Variants in GAD1 observed in about 807,000 individuals in gnomAD.
GAD1 encodes glutamate decarboxylase 1.
A neutral mutation model predicts 75.2 loss-of-function variants in GAD1; 35 were observed. That is an observed-to-expected ratio of 0.47 (90% CI 0.36 to 0.62). The LOEUF is 0.62. GAD1 is among the 20% of genes least tolerant of loss of function. The pLI is 0.00. For missense variants in GAD1, 490 were observed against 758.5 expected (o/e 0.65, Z 4.16); for synonymous variants, 257 against 271.9 (o/e 0.95, Z 0.54).
chr2:170,845,822 A>G, intron 9 of GAD1, 37 bp downstream of exon 9: 1 of 1,587,366 alleles, frequency 6.3e-7, no homozygotes, highest in Non-Finnish European at 8.7e-7. Context: ...TTCTTGATGT[A>G]TTAAATGTGT....
In GAD1 at chr2:170,836,898, T is replaced by C. The variant is rs1369574801; in HGVS notation, c.638+15T>C. The C allele has an allele frequency of 7.6e-6, 12 of 1,581,096 alleles. No individual in the cohort carries two copies. Among genetic ancestry groups the C allele is most frequent in the Non-Finnish European group, 1.0e-5 (12 of 1,150,316 alleles). ...AATACCAACATGTAAGTCTCATATG[T>C]TTTCATATAAGCAACCCTGATGTAT... is the stretch of plus-strand genomic sequence containing the variant. On this transcript the variant is annotated intron_variant, in intron 6 of 16. Coordinates refer to ENST00000358196, the MANE Select transcript of GAD1 (RefSeq NM_000817.3).
chr2:170,856,824 A>G (rs1226349845), intron 14 of GAD1, among the ~76,000 whole-genome samples, 194 bp from the exon 15 acceptor site: 2 of 152,214 alleles, frequency 1.3e-5, no homozygotes, highest in Non-Finnish European at 2.9e-5. Context: ...TGCCTTTGAA[A>G]GAGGAAGCAG....
chr2:170,821,496 G>A (rs980856193), intron 2 of GAD1, among the ~76,000 whole-genome samples: 1 of 152,122 alleles, frequency 6.6e-6, no homozygotes, highest in African/African-American at 2.4e-5. Flanking sequence ...CCCACTCCCC[G>A]GTCTGACTGA....
chr2:170,845,652 G>C, intron 8 of GAD1, 31 bp downstream of exon 8: 1 of 1,612,376 alleles, frequency 6.2e-7, no homozygotes, highest in Non-Finnish European at 8.5e-7. Context: ...CATGGATAGT[G>C]GTGTTTTTTA....
chr2:170,822,070 CCT>C lies in GAD1; in HGVS notation c.83-9_83-8del, dbSNP rs750343989. The C allele has an allele frequency of 1.4e-5, 23 of 1,601,102 alleles. No homozygotes were observed. In the South Asian group the frequency reaches 1.5e-4, roughly 10 times the overall value. The stretch of plus-strand genomic sequence containing the variant: ...GAACCTCCCTAACCGAACCTCTCTC[CCT>C]CTCTCTCGTCCTAGCGTACGATACC... On this transcript the variant is annotated splice_polypyrimidine_tract_variant and intron_variant, in intron 2 of 16. Coordinates refer to ENST00000358196, the MANE Select transcript of GAD1 (RefSeq NM_000817.3).
chr2:170,816,090 C>G (rs183041362), upstream of GAD1: 132 of 152,380 alleles, frequency 8.7e-4, no homozygotes, highest in African/African-American at 3.0e-3. Flanking sequence ...TGCTCGGGTG[C>G]CCCATGCGCG....
intron 5 of GAD1, among the ~76,000 whole-genome samples, chr2:170,832,039 T>G (rs1418633663): frequency 6.6e-6 from 1 of 152,128 alleles, no homozygotes; most frequent in African/African-American, 2.4e-5. Flanking sequence ...ATCCTCTGCT[T>G]CTTTTCTTGC....
At chr2:170,857,778 C>T (rs1702882507) in intron 15 of GAD1, among the ~76,000 whole-genome samples, 1 of 152,188 alleles carries the variant, frequency 6.6e-6, no homozygotes, top group Non-Finnish European at 1.5e-5. Flanking sequence ...GCATACTGCA[C>T]ACAGCAAAGT....
intron 3 of GAD1, among the ~76,000 whole-genome samples, chr2:170,822,713 T>A (rs919804416): frequency 4.6e-5 from 7 of 152,248 alleles, no homozygotes; most frequent in African/African-American, 7.2e-5. Flanking sequence ...TGCCCTGAGA[T>A]GTCATAACGG....
At chr2:170,817,359 G>T (rs184417330) in intron 1 of GAD1, 10 of 152,322 alleles carry the variant, frequency 6.6e-5, no homozygotes, top group Admixed American at 3.9e-4. Context: ...CATGCTGCGA[G>T]CGCCTGTCCC....
intron 12 of GAD1, among the ~76,000 whole-genome samples, chr2:170,852,175 A>C (rs529995983): frequency 1.3e-5 from 2 of 152,314 alleles, no homozygotes; most frequent in African/African-American, 4.8e-5. Context: ...TTGGCATGTT[A>C]GTTTCCCCAT....
chr2:170,857,142 G>A lies in GAD1; in HGVS notation c.1521+17G>A. ...AATGGCGAGGTAGGTAATCATCATGGACCAGGTACACAGTATTTCCAGAAA... is the reference window on the plus strand; with the variant it reads ...AATGGCGAGGTAGGTAATCATCATGAACCAGGTACACAGTATTTCCAGAAA... On this transcript the variant is annotated intron_variant, in intron 15 of 16. Transcript: ENST00000358196. The A allele has an allele frequency of 6.3e-7, 1 of 1,583,756 alleles. No individual in the cohort carries two copies. The highest frequency in any genetic ancestry group is 8.7e-7 in the Non-Finnish European group (1 of 1,152,680).
At chr2:170,822,268 T>A in intron 3 of GAD1, 119 bp downstream of exon 3, 1 of 878,604 alleles carries the variant, frequency 1.1e-6, no homozygotes, top group Non-Finnish European at 1.8e-6. Context: ...TTTTCTAATG[T>A]AATTACAGCC....
At chr2:170,817,792 C>T (rs1452791145) in intron 1 of GAD1, 2 of 152,428 alleles carry the variant, frequency 1.3e-5, no homozygotes, top group Admixed American at 6.5e-5. Flanking sequence ...ACGCTGAAAC[C>T]GGACCGAAAC....
chr2:170,848,976 CT>C, intron 11 of GAD1: 2 of 453,076 alleles, frequency 4.4e-6, no homozygotes, highest in Middle Eastern at 4.0e-4. Flanking sequence ...ACTGTGTTGG[CT>C]TTCCACAACA....
chr2:170,833,366 T>A (rs149545498), intron 5 of GAD1, among the ~76,000 whole-genome samples: 220 of 152,398 alleles, frequency 1.4e-3, no homozygotes, highest in Admixed American at 2.5e-3. Flanking sequence ...CAGTTATATG[T>A]ACAAAATTTA....
chr2:170,853,642 T>A lies in GAD1; in HGVS notation c.1264-231T>A. 1.9e-6 allele frequency: 1 copy of A among 516,138 alleles called. No homozygotes were observed. The highest frequency in any genetic ancestry group is 2.0e-5 in the South Asian group (1 of 50,082). 32.0% of individuals were successfully genotyped at this position (516,138 alleles called of 1,614,324 possible). A position where few individuals can be genotyped will look rare whatever the true frequency, so the allele number is the denominator to read the frequency against. On this transcript the variant is annotated intron_variant, in intron 13 of 16. Transcript: ENST00000358196. This position sits in a 1 kb window ranked among gnomAD's most constrained non-coding sequence, Gnocchi z 4.1. The stretch of plus-strand genomic sequence containing the variant: ...CACATTTCCCCTTAGAGGGATGGCA[T>A]CTGAGACGGAAAGATCATCTTCTAA...
At position 170,860,133 on chromosome 2, in the gene GAD1, T is replaced by A. The variant is rs1201414440; in HGVS notation, c.*251T>A. The A allele has an allele frequency of 4.4e-6, 2 of 457,346 alleles. No individual in the cohort carries two copies. The highest frequency in any genetic ancestry group is 8.0e-6 in the Non-Finnish European group (2 of 251,110). The allele number at this position is 457,346 out of a possible 1,614,324, so 28.3% of individuals were successfully genotyped here. ...ATACATACCTCTCTCTATATATACATGTATAGTGAGTGTGGCTTAGTAATA... is the reference window on the plus strand; with the variant it reads ...ATACATACCTCTCTCTATATATACAAGTATAGTGAGTGTGGCTTAGTAATA... On this transcript the variant is annotated 3_prime_UTR_variant, in exon 17 of 17. Transcript: ENST00000358196.
chr2:170,853,917 C>T lies in GAD1; in HGVS notation c.1308C>T (p.Phe436=). ...GCNQMCAGYL[F]QPDKQYDVSY... ...ACCAGATGTGTGCAGGATACCTCTT[C>T]CAGCCAGACAAGCAGTATGATGTCT... Residue 436 remains phenylalanine (F), a synonymous_variant, in exon 14 of 17, where the codon TTC becomes TTT. Transcript: ENST00000358196. The surrounding 1 kb of genome is among the most constrained non-coding windows in gnomAD (Gnocchi z 4.1). 1.9e-6 allele frequency: 3 copies of T among 1,614,122 alleles called. No individual in the cohort carries two copies. The highest frequency in any genetic ancestry group is 2.5e-6 in the Non-Finnish European group (3 of 1,180,012).
Sources: allele counts gnomAD v4.1 joint callset (sites outside exome capture counted in the v4.1 genomes callset), GRCh38; gene constraint gnomAD v4.1.1; non-coding constraint Gnocchi (gnomAD v3.1); transcripts MANE v1.5; gene names NCBI Gene and HGNC (gene_info 2026-07-23, HGNC 2026-07-21).